ERBB4: variants seen among roughly 807,000 people sequenced by gnomAD.
The protein encoded by ERBB4 is receptor tyrosine-protein kinase erbB-4.
A neutral mutation model predicts 158.0 loss-of-function variants in ERBB4; 42 were observed. The observed-to-expected ratio is 0.27, with a 90% CI of 0.21 to 0.34. ERBB4 has a LOEUF of 0.34. ERBB4 is among the 10% of genes least tolerant of loss of function. The pLI, the probability that ERBB4 is intolerant of heterozygous loss-of-function variation, is 1.00. For synonymous variants in ERBB4, 583 were observed against 558.7 expected (o/e 1.04, Z -0.61); for missense variants, 1,333 against 1,624.1 (o/e 0.82, Z 3.08).
chr2:211,705,527 C>G, intron 9 of ERBB4, 136 bp from the exon 10 acceptor site: 1 of 686,408 alleles, frequency 1.5e-6, no homozygotes, highest in Admixed American at 2.3e-5. Context: ...TTAAATTAAT[C>G]TGTGCTAGAT....
chr2:212,190,360 C>T (rs1027612037), intron 1 of ERBB4, among the ~76,000 whole-genome samples: 2 of 152,082 alleles, frequency 1.3e-5, no homozygotes, highest in African/African-American at 2.4e-5. Flanking sequence ...CAGGGTGAAA[C>T]CCCGTCTCTA....
chr2:211,823,421 T>A (rs1294903048), intron 3 of ERBB4, among the ~76,000 whole-genome samples: 1 of 151,914 alleles, frequency 6.6e-6, no homozygotes, highest in African/African-American at 2.4e-5. Context: ...AGAGACAGAA[T>A]TTTTTAATGA....
At chr2:212,107,970 G>T in intron 2 of ERBB4, among the ~76,000 whole-genome samples, 1 of 152,064 alleles carries the variant, frequency 6.6e-6, no homozygotes, top group East Asian at 1.9e-4. Context: ...AAATTACACA[G>T]TCTCGGGTTT....
At chr2:212,372,652 G>A (rs1330101738) in intron 1 of ERBB4, among the ~76,000 whole-genome samples, 3 of 152,130 alleles carry the variant, frequency 2.0e-5, no homozygotes, top group African/African-American at 7.2e-5. Context: ...GGGAGGCTGA[G>A]GCAGGAGAAT....
intron 1 of ERBB4, among the ~76,000 whole-genome samples, chr2:212,183,503 T>C (rs2081933168): frequency 6.6e-6 from 1 of 152,000 alleles, no homozygotes; most frequent in Admixed American, 6.6e-5. Flanking sequence ...ATCACTAAAT[T>C]AGTGGACATA....
intron 20 of ERBB4, among the ~76,000 whole-genome samples, chr2:211,532,289 A>G (rs991166909): frequency 4.6e-5 from 7 of 152,126 alleles, no homozygotes; most frequent in Admixed American, 3.9e-4. Context: ...AAAGAGTATA[A>G]TTAGATTGTT....
chr2:212,472,217 T>A (rs981522113), intron 1 of ERBB4, among the ~76,000 whole-genome samples: 1 of 151,256 alleles, frequency 6.6e-6, no homozygotes, highest in Non-Finnish European at 1.5e-5. Context: ...TATTCAACTT[T>A]CCTACTAAAA....
intron 1 of ERBB4, among the ~76,000 whole-genome samples, chr2:212,455,189 T>C (rs1480190465): frequency 2.4e-5 from 3 of 126,534 alleles, no homozygotes; most frequent in Non-Finnish European, 5.9e-5. Context: ...CATGATGCTA[T>C]TTTCTCATTT....
At chr2:211,555,891 A>T (rs2067223429) in intron 20 of ERBB4, among the ~76,000 whole-genome samples, 1 of 152,238 alleles carries the variant, frequency 6.6e-6, no homozygotes, top group Non-Finnish European at 1.5e-5. Flanking sequence ...GATCAGTGAC[A>T]CTATAAAGCA....
At chr2:211,990,602 C>T (rs1348020978) in intron 2 of ERBB4, among the ~76,000 whole-genome samples, 1 of 151,918 alleles carries the variant, frequency 6.6e-6, no homozygotes, top group Admixed American at 6.6e-5. Flanking sequence ...CAACTTCTAG[C>T]AAGTCGTTAA....
chr2:212,436,962 G>A (rs972109087), intron 1 of ERBB4, among the ~76,000 whole-genome samples: 1 of 152,070 alleles, frequency 6.6e-6, no homozygotes, highest in South Asian at 2.1e-4. Context: ...GTGGGTTGGA[G>A]ACTAGGTAAA....
At chr2:211,484,116 TTA>T (rs1194425046) in intron 20 of ERBB4, among the ~76,000 whole-genome samples, 1 of 151,918 alleles carries the variant, frequency 6.6e-6, no homozygotes, top group African/African-American at 2.4e-5. Context: ...GACTGATAAA[TTA>T]AAGGCACAAA....
chr2:211,600,795 G>C (rs910472015), intron 19 of ERBB4, among the ~76,000 whole-genome samples: 7 of 152,052 alleles, frequency 4.6e-5, no homozygotes. Flanking sequence ...TGTCCACATG[G>C]TGAGCCAAAC....
At chr2:212,030,843 G>C (rs527898631) in intron 2 of ERBB4, among the ~76,000 whole-genome samples, 2 of 152,136 alleles carry the variant, frequency 1.3e-5, no homozygotes, top group East Asian at 1.9e-4. Context: ...ACCATCAGTC[G>C]TGGGTAGTTT....
At chr2:212,263,606 A>T (rs148160317) in intron 1 of ERBB4, among the ~76,000 whole-genome samples, 2 of 152,214 alleles carry the variant, frequency 1.3e-5, no homozygotes, top group African/African-American at 4.8e-5. Context: ...GAAAAAATTA[A>T]CAATTCTATA....
At chr2:211,447,689 C>T (rs1227056713) in intron 20 of ERBB4, among the ~76,000 whole-genome samples, 1 of 152,056 alleles carries the variant, frequency 6.6e-6, no homozygotes, top group African/African-American at 2.4e-5. Flanking sequence ...ATTTAGCAGA[C>T]TTATTTTTGA....
At chr2:211,411,307 A>T (rs1484204335) in intron 25 of ERBB4, among the ~76,000 whole-genome samples, 1 of 152,246 alleles carries the variant, frequency 6.6e-6, no homozygotes, top group Non-Finnish European at 1.5e-5. Flanking sequence ...AGACATTGCA[A>T]AAAAAGGTCC....
At chr2:211,774,932 T>C (rs2075835443) in intron 4 of ERBB4, among the ~76,000 whole-genome samples, 1 of 152,194 alleles carries the variant, frequency 6.6e-6, no homozygotes, top group Non-Finnish European at 1.5e-5. Flanking sequence ...AATGTAATGT[T>C]AGGAGTTCAG....
At chr2:211,452,271 G>A (rs531412681) in intron 20 of ERBB4, among the ~76,000 whole-genome samples, 225 of 152,090 alleles carry the variant, frequency 1.5e-3, no homozygotes, top group African/African-American at 5.1e-3. Flanking sequence ...TCTGCCTCCC[G>A]GGTTCAAGCG....
Sources: gnomAD v4.1 joint callset for allele counts (sites outside exome capture counted in the v4.1 genomes callset) on GRCh38, gnomAD v4.1.1 for gene constraint, MANE v1.5 for transcripts, NCBI Gene and HGNC (gene_info 2026-07-23, HGNC 2026-07-21) for gene names.